FAM131B: variants seen among roughly 807,000 people sequenced by gnomAD.
FAM131B encodes protein FAM131B.
Under a neutral mutation model 42.0 loss-of-function variants are expected in FAM131B, and 19 were observed. The observed-to-expected ratio is 0.45, with a 90% CI of 0.32 to 0.66. FAM131B has a LOEUF of 0.66. Ranked by LOEUF, FAM131B falls within the 30% of genes least tolerant of loss-of-function variation. FAM131B has a pLI of 0.05. For synonymous variants in FAM131B, 183 were observed against 177.6 expected (o/e 1.03, Z -0.24); for missense variants, 370 against 468.4 (o/e 0.79, Z 1.94).
At position 143,358,769 on chromosome 7, in the gene FAM131B, A is replaced by C. The variant is rs1803808172; in HGVS notation, c.466+58T>G. On this transcript the variant is annotated intron_variant, in intron 5 of 6. Coordinates refer to ENST00000443739, the MANE Select transcript of FAM131B (RefSeq NM_001031690.3). The surrounding 1 kb of genome is among the most constrained non-coding windows in gnomAD (Gnocchi z 4.7). ...ATCCTGCCACAGGGGATCAGGTTGGAGGGTCGGTCCCTGGCCATCCTGCAA... is the reference window on the plus strand; with the variant it reads ...ATCCTGCCACAGGGGATCAGGTTGGCGGGTCGGTCCCTGGCCATCCTGCAA... The C allele has an allele frequency of 7.2e-7, 1 of 1,396,506 alleles. No homozygotes were observed. Among genetic ancestry groups the C allele is most frequent in the Admixed American group, 1.8e-5 (1 of 56,036 alleles). 86.5% of individuals were successfully genotyped at this position (1,396,506 alleles called of 1,614,324 possible).
At position 143,356,766 on chromosome 7, in the gene FAM131B, C is replaced by T. The variant is rs144329877; in HGVS notation, c.867G>A (p.Pro289=). The T allele has an allele frequency of 1.8e-4, 291 of 1,614,138 alleles. 3 individuals are homozygous for T. In the East Asian group the frequency reaches 3.5e-3, roughly 20 times the overall value. The stretch of plus-strand genomic sequence containing the variant: ...TTGCCAGGTCCACTGCGCCTACCCC[C>T]GGAGCCCAGTCAGTGTCTCCCCCCA... ...PLLGGDTDWA[P]GVGAVDLARG... The change falls in exon 7 of 7, where the codon CCG becomes CCA. Residue 289 remains proline (P), a synonymous_variant. Coordinates refer to ENST00000443739, the MANE Select transcript of FAM131B (RefSeq NM_001031690.3). This position sits in a 1 kb window ranked among gnomAD's most constrained non-coding sequence, Gnocchi z 4.4.
the FAM131B span, among the ~76,000 whole-genome samples, chr7:143,370,841 T>A: frequency 4.2e-4 from 64 of 152,334 alleles, no homozygotes; most frequent in African/African-American, 1.5e-3. Context: ...CGCCCTGAGT[T>A]CCTTCTTGTG....
chr7:143,365,580 G>T (rs1332004605), upstream of FAM131B, among the ~76,000 whole-genome samples: 1 of 152,084 alleles, frequency 6.6e-6, no homozygotes, highest in Non-Finnish European at 1.5e-5. Context: ...AAGAGAAAAA[G>T]CTAGCACTTT....
chr7:143,354,227 G>C lies in FAM131B; in HGVS notation c.*2323C>G, dbSNP rs761519030. ...AGCACCCTGGGGAAAGCAGGTTCAT[G>C]TATGAACCCTGCTAGAGTCCTTCAG... On this transcript the variant is annotated 3_prime_UTR_variant, in exon 7 of 7. Transcript: ENST00000443739. 1 of 152,542 alleles carries C rather than the reference G, an allele frequency of 6.6e-6. No individual in the cohort carries two copies. Among genetic ancestry groups the C allele is most frequent in the Admixed American group, 6.5e-5 (1 of 15,276 alleles). 9.4% of individuals were successfully genotyped at this position (152,542 alleles called of 1,614,324 possible).
intron 6 of FAM131B, 111 bp from the exon 7 acceptor site, chr7:143,357,133 G>T: frequency 8.9e-7 from 1 of 1,123,368 alleles, no homozygotes; most frequent in Non-Finnish European, 1.3e-6. Context: ...CTGGCAGTAA[G>T]ACACAGAGTG....
At chr7:143,381,958 G>C in the FAM131B span, 7 of 691,496 alleles carry the variant, frequency 1.0e-5, no homozygotes, top group Non-Finnish European at 1.6e-5. Flanking sequence ...GGGCTCCTGG[G>C]ACCGTTCCAA....
the FAM131B span, among the ~76,000 whole-genome samples, chr7:143,367,935 C>T: frequency 6.6e-6 from 1 of 152,188 alleles, no homozygotes; most frequent in East Asian, 1.9e-4. Context: ...GATGCATTTG[C>T]CCTGTGTTTT....
At chr7:143,369,205 T>C in the FAM131B span, among the ~76,000 whole-genome samples, 2 of 152,192 alleles carry the variant, frequency 1.3e-5, no homozygotes, top group Non-Finnish European at 1.5e-5. Context: ...AAAATTCAGG[T>C]CCTCTAATTC....
rs367625556 is a variant in FAM131B at position 143,356,997 on chromosome 7, A to G, written c.636T>C (p.Asp212=). 41 of 1,612,804 alleles carry G rather than the reference A, an allele frequency of 2.5e-5. No individual in the cohort carries two copies. Among genetic ancestry groups the G allele is most frequent in the Non-Finnish European group, 3.3e-5 (39 of 1,179,128 alleles). The part of the protein sequence containing the change: ...SQDALAQAPM[D]GWPHSYVSQG... Reference sequence around the variant, plus strand: ...GGGACACGTAAGAGTGAGGCCATCCATCCATGGGTGCTTGAGCCAGGGCAT... The same window carrying G: ...GGGACACGTAAGAGTGAGGCCATCCGTCCATGGGTGCTTGAGCCAGGGCAT... Residue 212 remains aspartate, a synonymous_variant, in exon 7 of 7, where the codon GAT becomes GAC. Transcript: ENST00000443739. The surrounding 1 kb of genome is among the most constrained non-coding windows in gnomAD (Gnocchi z 4.4).
In FAM131B at chr7:143,359,732, G is replaced by A. The variant is rs1446314079; in HGVS notation, c.174C>T (p.Asn58=). 4.5e-6 allele frequency: 7 copies of A among 1,570,256 alleles called. No homozygotes were observed. The highest frequency in any genetic ancestry group is 2.3e-5 in the East Asian group (1 of 42,684). ...TRTDFSWDGI[N]LSMEDTTSIL... is the part of the protein sequence containing the mutation. ...GAGGTCTGGGGGCAGCTGCACTCACGTTGATGCCGTCCCAGGAGAAATCAG... is the reference window on the plus strand; with the variant it reads ...GAGGTCTGGGGGCAGCTGCACTCACATTGATGCCGTCCCAGGAGAAATCAG... Residue 58 remains asparagine, a splice_region_variant and synonymous_variant, in exon 3 of 7, where the codon AAC becomes AAT. Transcript: ENST00000443739. This position sits in a 1 kb window ranked among gnomAD's most constrained non-coding sequence, Gnocchi z 5.4.
At chr7:143,357,631 A>G (rs1356236530) in intron 5 of FAM131B, among the ~76,000 whole-genome samples, 4 of 152,248 alleles carry the variant, frequency 2.6e-5, no homozygotes, top group Admixed American at 2.0e-4. Flanking sequence ...AATTCGATAT[A>G]TAAAAAGATT....
the FAM131B span, among the ~76,000 whole-genome samples, chr7:143,377,317 C>T: frequency 6.6e-6 from 1 of 152,190 alleles, no homozygotes; most frequent in African/African-American, 2.4e-5. Context: ...AGCACGTATA[C>T]ATATAGCTTG....
the FAM131B span, among the ~76,000 whole-genome samples, chr7:143,376,033 G>C: frequency 6.6e-6 from 1 of 152,244 alleles, no homozygotes; most frequent in East Asian, 1.9e-4. Context: ...AGTGCCTTTG[G>C]GTGCCCATCT....
At position 143,362,552 on chromosome 7, in the gene FAM131B, C is replaced by G. The variant is rs979201887; in HGVS notation, c.28+24G>C. On this transcript the variant is annotated intron_variant, in intron 1 of 6. Transcript: ENST00000443739. The surrounding 1 kb of genome is among the most constrained non-coding windows in gnomAD (Gnocchi z 7.7). Reference sequence around the variant, plus strand: ...GGGCGGCCCGGGGGGCCCAGCCCTGCCCCCGCCCGGCCGCGGTACCCACCC... The same window carrying G: ...GGGCGGCCCGGGGGGCCCAGCCCTGGCCCCGCCCGGCCGCGGTACCCACCC... 4 of 1,204,460 alleles carry G rather than the reference C, an allele frequency of 3.3e-6. No individual in the cohort carries two copies. The Admixed American group carries it at 1.3e-4, about 39-fold the overall frequency. The allele number at this position is 1,204,460 out of a possible 1,614,324, so 74.6% of individuals were successfully genotyped here. A position where few individuals can be genotyped will look rare whatever the true frequency, so the allele number is the denominator to read the frequency against.
At chr7:143,378,074 C>T in the FAM131B span, among the ~76,000 whole-genome samples, 1 of 152,232 alleles carries the variant, frequency 6.6e-6, no homozygotes, top group South Asian at 2.1e-4. Context: ...TAAGCATTCT[C>T]TCAGCGTGTG....
rs1295470442 is a variant in FAM131B at position 143,356,333 on chromosome 7, A to G, written c.*217T>C. 2 of 552,176 alleles carry G rather than the reference A, an allele frequency of 3.6e-6. No individual in the cohort carries two copies. Among genetic ancestry groups the G allele is most frequent in the Non-Finnish European group, 6.5e-6 (2 of 309,586 alleles). The allele number at this position is 552,176 out of a possible 1,614,324, so 34.2% of individuals were successfully genotyped here. A position where few individuals can be genotyped will look rare whatever the true frequency, so the allele number is the denominator to read the frequency against. On this transcript the variant is annotated 3_prime_UTR_variant, in exon 7 of 7. Transcript: ENST00000443739. This position sits in a 1 kb window ranked among gnomAD's most constrained non-coding sequence, Gnocchi z 4.4. ...AGCCACACCAAGCTCACGGCCATCT[A>G]GTTGCCCAGGTCTCAGTTCCCAGGC...
upstream of FAM131B, among the ~76,000 whole-genome samples, chr7:143,365,021 G>A (rs1586546064): frequency 1.3e-5 from 2 of 152,336 alleles, no homozygotes; most frequent in East Asian, 3.9e-4. Flanking sequence ...CACAAATGGA[G>A]AGATGGCTCC....
At position 143,362,620 on chromosome 7, in the gene FAM131B, G is replaced by C. The variant is rs1248008699; in HGVS notation, c.-17C>G. ...GCAGCCCATGGCTCCGGGGGCCGCA[G>C]AGCCGGGCCCTCACCGACTCGGGGC... On this transcript the variant is annotated 5_prime_UTR_variant, in exon 1 of 7. Transcript: ENST00000443739. This position sits in a 1 kb window ranked among gnomAD's most constrained non-coding sequence, Gnocchi z 7.7. 8.3e-7 allele frequency: 1 copy of C among 1,211,992 alleles called. No individual in the cohort carries two copies. Among genetic ancestry groups the C allele is most frequent in the Non-Finnish European group, 1.0e-6 (1 of 974,826 alleles). 75.1% of individuals were successfully genotyped at this position (1,211,992 alleles called of 1,614,324 possible).
chr7:143,381,728 C>G, the FAM131B span: 1 of 1,599,546 alleles, frequency 6.3e-7, no homozygotes, highest in Non-Finnish European at 8.5e-7. Flanking sequence ...ACCCGGGGCC[C>G]AGCGCGCACA....
Sources: allele counts gnomAD v4.1 joint callset (sites outside exome capture counted in the v4.1 genomes callset), GRCh38; gene constraint gnomAD v4.1.1; non-coding constraint Gnocchi (gnomAD v3.1); transcripts MANE v1.5; gene names NCBI Gene and HGNC (gene_info 2026-07-23, HGNC 2026-07-21).